Variants in PRKG2 observed in about 807,000 individuals in gnomAD.
PRKG2 encodes the protein cGMP-dependent protein kinase 2.
In PRKG2, 33 loss-of-function variants were observed where a neutral mutation model predicts 97.2. The ratio of observed to expected loss-of-function variants is 0.34; its 90% CI spans 0.26 to 0.45. PRKG2 has a LOEUF of 0.45. Among genes scored for constraint, PRKG2 ranks in the 20% least tolerant of loss-of-function variants. The pLI, the probability that PRKG2 is intolerant of heterozygous loss-of-function variation, is 1.00. For synonymous variants in PRKG2, 330 were observed against 321.8 expected, an observed-to-expected ratio of 1.03 and a Z score of -0.27; for missense variants, 638 against 900.0, an observed-to-expected ratio of 0.71 and a Z score of 3.73.
chr4:81,133,324 A>T (rs1746357203), intron 14 of PRKG2, among the ~76,000 whole-genome samples: 1 of 152,100 alleles, frequency 6.6e-6, no homozygotes, highest in South Asian at 2.1e-4. Flanking sequence ...TTTCTCCAGC[A>T]GTTTAATGTA....
At chr4:81,211,921 A>G (rs1293436675) in intron 1 of PRKG2, among the ~76,000 whole-genome samples, 1 of 152,190 alleles carries the variant, frequency 6.6e-6, no homozygotes, top group African/African-American at 2.4e-5. Context: ...ACAGACTTCT[A>G]CAGATAATAT....
intron 2 of PRKG2, among the ~76,000 whole-genome samples, chr4:81,189,040 G>GA (rs1200661230): frequency 0.011 from 172 of 15,344 alleles, 10 homozygotes; most frequent in African/African-American, 0.043. Flanking sequence ...AATAAAAAAA[G>GA]AAAAAAAAAA....
At chr4:81,153,926 G>T (rs1237691921) in intron 6 of PRKG2, among the ~76,000 whole-genome samples, 3 of 152,184 alleles carry the variant, frequency 2.0e-5, no homozygotes, top group African/African-American at 4.8e-5. Flanking sequence ...TGCGCGAGCC[G>T]AAGCAGGGCG....
At chr4:81,216,674 C>T (rs1228346154), upstream of PRKG2, among the ~76,000 whole-genome samples, 1 of 152,054 alleles carries the variant, frequency 6.6e-6, no homozygotes, top group Non-Finnish European at 1.5e-5. Flanking sequence ...ATTCCTACCT[C>T]ACCCACCTCC....
intron 2 of PRKG2, among the ~76,000 whole-genome samples, chr4:81,201,084 G>T (rs545118101): frequency 2.6e-5 from 4 of 152,168 alleles, no homozygotes; most frequent in Non-Finnish European, 5.9e-5. Context: ...TCTACAAAGG[G>T]TTCCCAAACT....
intron 14 of PRKG2, among the ~76,000 whole-genome samples, chr4:81,124,859 T>C (rs1393134578): frequency 1.3e-5 from 2 of 152,200 alleles, no homozygotes; most frequent in African/African-American, 4.8e-5. Flanking sequence ...TTATGTAAAA[T>C]GGGAACTTTG....
chr4:81,157,008 C>T (rs1306634364), intron 6 of PRKG2, among the ~76,000 whole-genome samples: 1 of 152,020 alleles, frequency 6.6e-6, no homozygotes, highest in African/African-American at 2.4e-5. Context: ...CCTAACATCA[C>T]AATTAAAAGA....
chr4:81,138,246 G>C (rs189742585), intron 12 of PRKG2, among the ~76,000 whole-genome samples: 2 of 152,172 alleles, frequency 1.3e-5, no homozygotes, highest in Non-Finnish European at 2.9e-5. Flanking sequence ...GTTCCGAAGC[G>C]GGACGTAGGC....
chr4:81,095,592 AC>A (rs1742037291), intron 17 of PRKG2, among the ~76,000 whole-genome samples: 1 of 152,224 alleles, frequency 6.6e-6, no homozygotes, highest in South Asian at 2.1e-4. Context: ...CACAGTACTT[AC>A]TTAACATGCA....
intron 2 of PRKG2, among the ~76,000 whole-genome samples, chr4:81,190,113 T>A (rs1752348175): frequency 6.6e-6 from 1 of 152,156 alleles, no homozygotes; most frequent in Non-Finnish European, 1.5e-5. Context: ...AGAGCCGGGA[T>A]AGCCAAGACA....
At chr4:81,179,486 A>T (rs962380583) in intron 2 of PRKG2, among the ~76,000 whole-genome samples, 1 of 152,206 alleles carries the variant, frequency 6.6e-6, no homozygotes, top group Non-Finnish European at 1.5e-5. Flanking sequence ...ATGTTTTTCC[A>T]TTGGCAACAG....
At chr4:81,183,710 C>T (rs370761189) in intron 2 of PRKG2, among the ~76,000 whole-genome samples, 5 of 152,252 alleles carry the variant, frequency 3.3e-5, no homozygotes, top group African/African-American at 1.2e-4. Flanking sequence ...GCGGATCCCA[C>T]CCCCACAGAG....
rs781326267 is a variant in PRKG2 at position 81,134,200 on chromosome 4, A to ATG, written c.1776+953_1776+954dup. ...CATTTACACATAATAAATTTAATTCATGTGGCTGAATTATACAACTATAAC... is the reference window on the plus strand; with the variant it reads ...CATTTACACATAATAAATTTAATTCATGTGTGGCTGAATTATACAACTATAAC... On this transcript the variant is annotated intron_variant, in intron 14 of 18. Coordinates refer to ENST00000264399, the MANE Select transcript of PRKG2 (RefSeq NM_006259.3). Among the ~76,000 whole-genome samples the ATG allele has an allele frequency of 2.6e-5, 4 of 152,340 alleles. No homozygotes were observed. The East Asian group carries it at 7.7e-4, about 29-fold the overall frequency.
chr4:81,092,480 G>GGAAGGAAA, intron 17 of PRKG2, 28 bp from the exon 18 acceptor site: 1 of 881,308 alleles, frequency 1.1e-6, no homozygotes, highest in Non-Finnish European at 1.8e-6. Flanking sequence ...AAGGAAGGAA[G>GGAAGGAAA]GAAGGAAGGA....
At chr4:81,171,836 CA>C in intron 3 of PRKG2, 32 bp from the exon 4 acceptor site, 1 of 1,446,374 alleles carries the variant, frequency 6.9e-7, no homozygotes, top group Non-Finnish European at 9.6e-7. Flanking sequence ...AACACACACA[CA>C]AATAATCGAA....
At chr4:81,185,618 A>C (rs1751808690) in intron 2 of PRKG2, among the ~76,000 whole-genome samples, 1 of 152,172 alleles carries the variant, frequency 6.6e-6, no homozygotes, top group Non-Finnish European at 1.5e-5. Context: ...AAATTTACAC[A>C]TAATAATATT....
chr4:81,212,293 C>T (rs1754018857), intron 1 of PRKG2, among the ~76,000 whole-genome samples: 1 of 150,004 alleles, frequency 6.7e-6, no homozygotes, highest in South Asian at 2.1e-4. Flanking sequence ...CTCCCTCCCA[C>T]CCCCCCAGCA....
intron 14 of PRKG2, among the ~76,000 whole-genome samples, chr4:81,116,610 A>G (rs1412235896): frequency 6.6e-6 from 1 of 152,186 alleles, no homozygotes; most frequent in Non-Finnish European, 1.5e-5. Flanking sequence ...GCTTTCCACA[A>G]TAGCTGAACT....
At chr4:81,110,418 G>A (rs574297413) in intron 15 of PRKG2, 30 bp downstream of exon 15, 4 of 1,592,022 alleles carry the variant, frequency 2.5e-6, no homozygotes, top group African/African-American at 1.4e-5. Context: ...TCTCTGAAGA[G>A]GTGGCTGCAT....
Sources: allele counts gnomAD v4.1 joint callset (sites outside exome capture counted in the v4.1 genomes callset), GRCh38; gene constraint gnomAD v4.1.1; transcripts MANE v1.5; gene names NCBI Gene and HGNC (gene_info 2026-07-23, HGNC 2026-07-21).